The following NCAM1 variants were observed in gnomAD, a reference collection of about 807,000 sequenced individuals.
The protein encoded by NCAM1 is antigen recognized by monoclonal antibody 5.1H11.
Under a neutral mutation model 109.8 loss-of-function variants are expected in NCAM1, and 14 were observed. The ratio of observed to expected loss-of-function variants is 0.13; its 90% CI spans 0.08 to 0.20. The LOEUF (loss-of-function observed/expected upper bound fraction) is 0.20. Among genes scored for constraint, NCAM1 ranks in the 10% least tolerant of loss-of-function variants. NCAM1 has a pLI of 1.00. For synonymous variants in NCAM1, 418 were observed against 442.9 expected, an observed-to-expected ratio of 0.94 and a Z score of 0.70; for missense variants, 774 against 1,109.9, an observed-to-expected ratio of 0.70 and a Z score of 4.30.
intron 1 of NCAM1, among the ~76,000 whole-genome samples, chr11:113,025,518 T>C (rs115786486): frequency 0.013 from 2,022 of 152,130 alleles, 40 homozygotes; most frequent in African/African-American, 0.046. Flanking sequence ...AATGAATGAA[T>C]GAATGAATAA....
intron 9 of NCAM1, among the ~76,000 whole-genome samples, chr11:113,225,941 A>G (rs576845610): frequency 1.3e-5 from 2 of 152,344 alleles, no homozygotes; most frequent in South Asian, 2.1e-4. Context: ...AGCACTAAAC[A>G]TGGAAAGGAA....
At chr11:113,203,958 T>C (rs2136913623) in intron 2 of NCAM1, among the ~76,000 whole-genome samples, 1 of 152,346 alleles carries the variant, frequency 6.6e-6, no homozygotes, top group African/African-American at 2.4e-5. Context: ...GGCATGTGTG[T>C]TCCTAGCTTA....
At chr11:113,156,409 G>A (rs1203346406) in intron 1 of NCAM1, among the ~76,000 whole-genome samples, 1 of 152,100 alleles carries the variant, frequency 6.6e-6, no homozygotes, top group African/African-American at 2.4e-5. Flanking sequence ...TATATATTGG[G>A]GGTTAATGAC....
At chr11:113,248,945 T>A (rs1945579710) in intron 15 of NCAM1, among the ~76,000 whole-genome samples, 1 of 152,140 alleles carries the variant, frequency 6.6e-6, no homozygotes, top group African/African-American at 2.4e-5. Flanking sequence ...CAGGGCTTCC[T>A]CCAATGACTC....
chr11:113,138,461 C>A (rs998110085), intron 1 of NCAM1, among the ~76,000 whole-genome samples: 2 of 152,138 alleles, frequency 1.3e-5, no homozygotes. Flanking sequence ...AAATAGCAAA[C>A]GGCAAGAATG....
At position 113,232,249 on chromosome 11, in the gene NCAM1, C is replaced by T. The variant is rs782343689; in HGVS notation, c.1320C>T (p.Ala440=). 3 of 1,613,966 alleles carry T rather than the reference C, an allele frequency of 1.9e-6. No individual in the cohort carries two copies. Among genetic ancestry groups the T allele is most frequent in the East Asian group, 4.5e-5 (2 of 44,882 alleles). The change falls in exon 11 of 20, where the codon GCC becomes GCT. Residue 440 remains alanine (A), a synonymous_variant. Transcript: ENST00000316851. The stretch of plus-strand genomic sequence containing the variant: ...TGAACATCACCTGCGAGGTATTTGC[C>T]TATCCCAGTGCCACGATCTCATGGT... ...NQVNITCEVF[A]YPSATISWFR...
chr11:113,239,059 T>C lies in NCAM1; in HGVS notation c.1825+3895T>C, dbSNP rs142714541. On this transcript the variant is annotated intron_variant, in intron 14 of 19. Coordinates refer to ENST00000316851, the MANE Select transcript of NCAM1 (RefSeq NM_181351.5). ...GGACATGGATATATCAGAGCAGGGA[T>C]GAGCAGGGGGAGCTAGTAAAAGCCA... is the stretch of plus-strand genomic sequence containing the variant. 8.0e-3 allele frequency among the ~76,000 whole-genome samples: 1,222 copies of C among 152,310 alleles called. 20 individuals are homozygous for C. Among genetic ancestry groups the C allele is most frequent in the African/African-American group, 0.027 (1,139 of 41,564 alleles).
At chr11:113,028,612 A>T (rs905161147) in intron 1 of NCAM1, among the ~76,000 whole-genome samples, 2 of 152,228 alleles carry the variant, frequency 1.3e-5, no homozygotes, top group African/African-American at 2.4e-5. Flanking sequence ...GTTGCTTTGC[A>T]CTATAGCATT....
intron 1 of NCAM1, among the ~76,000 whole-genome samples, chr11:113,020,873 C>G (rs1952360842): frequency 6.6e-6 from 1 of 152,104 alleles, no homozygotes; most frequent in Non-Finnish European, 1.5e-5. Flanking sequence ...TCTCCTGCCT[C>G]AGCCTCTTGA....
chr11:113,126,478 A>T (rs532889891), intron 1 of NCAM1, among the ~76,000 whole-genome samples: 1 of 152,268 alleles, frequency 6.6e-6, no homozygotes, highest in East Asian at 1.9e-4. Context: ...TGTGCTCATG[A>T]AACAGACTCA....
In NCAM1 at chr11:113,273,605, C is replaced by G. The variant is rs1946338970; in HGVS notation, c.2457-1662C>G. ...ACTTTAAAATGGACGAAGGGAACTT[C>G]AAGACCCCAGATATTGACCTTGCAA... On this transcript the variant is annotated intron_variant, in intron 19 of 19. Coordinates refer to ENST00000316851, the MANE Select transcript of NCAM1 (RefSeq NM_181351.5). This position sits in a 1 kb window ranked among gnomAD's most constrained non-coding sequence, Gnocchi z 6.0. The G allele has an allele frequency of 2.2e-6, 1 of 448,200 alleles. No individual in the cohort carries two copies. Among genetic ancestry groups the G allele is most frequent in the African/African-American group, 2.0e-5 (1 of 49,762 alleles). The allele number at this position is 448,200 out of a possible 1,614,324, so 27.8% of individuals were successfully genotyped here.
intron 16 of NCAM1, among the ~76,000 whole-genome samples, chr11:113,257,892 C>T (rs1361981846): frequency 6.6e-6 from 1 of 152,220 alleles, no homozygotes; most frequent in East Asian, 1.9e-4. Context: ...TAGCTTACAG[C>T]ATAGCCAGAC....
intron 8 of NCAM1, among the ~76,000 whole-genome samples, chr11:113,216,188 G>A (rs1470861409): frequency 1.6e-5 from 2 of 126,294 alleles, no homozygotes; most frequent in African/African-American, 3.1e-5. Flanking sequence ...TCTCGCTGTC[G>A]CCCAGGCTGG....
Position 113,278,323 on chromosome 11 carries a change from A to G in NCAM1, c.*2936A>G, listed in dbSNP as rs1014904008. On this transcript the variant is annotated 3_prime_UTR_variant, in exon 20 of 20. Transcript: ENST00000316851. ...AAACTTTTTACCAAGTGAAACATCG[A>G]TACCACCTTTGTTTCCATTCTCACT... is the stretch of plus-strand genomic sequence containing the variant. 10 of 152,186 alleles carry G rather than the reference A, an allele frequency of 6.6e-5. No homozygotes were observed. The highest frequency in any genetic ancestry group is 2.2e-4 in the African/African-American group (9 of 41,432). The allele number at this position is 152,186 out of a possible 1,614,324, so 9.4% of individuals were successfully genotyped here.
chr11:113,217,468 C>G (rs1224191606), intron 8 of NCAM1, among the ~76,000 whole-genome samples: 1 of 152,112 alleles, frequency 6.6e-6, no homozygotes, highest in Admixed American at 6.5e-5. Context: ...TTCTGGTTGT[C>G]TTATACGAGA....
chr11:113,097,605 CTT>C (rs36089828), intron 1 of NCAM1, among the ~76,000 whole-genome samples: 68,771 of 142,052 alleles, frequency 0.48, 16,879 homozygotes, highest in Middle Eastern at 0.55. Context: ...GTGACTTGGG[CTT>C]TTTTTTTTTT....
chr11:113,103,104 A>G (rs1555091825), intron 1 of NCAM1, among the ~76,000 whole-genome samples: 1 of 152,212 alleles, frequency 6.6e-6, no homozygotes, highest in African/African-American at 2.4e-5. Flanking sequence ...AAACACATGC[A>G]ATTAATGAAA....
chr11:113,176,739 T>A (rs896088608), intron 1 of NCAM1, among the ~76,000 whole-genome samples: 1 of 152,244 alleles, frequency 6.6e-6, no homozygotes, highest in Admixed American at 6.5e-5. Flanking sequence ...GTTTAATTTA[T>A]GTGGTTTTTT....
intron 1 of NCAM1, among the ~76,000 whole-genome samples, chr11:113,146,982 C>A (rs1157284849): frequency 6.6e-6 from 1 of 152,026 alleles, no homozygotes; most frequent in African/African-American, 2.4e-5. Flanking sequence ...CAGGAATGGG[C>A]GTGCCTCTTT....
Sources: allele counts gnomAD v4.1 joint callset (sites outside exome capture counted in the v4.1 genomes callset), GRCh38; gene constraint gnomAD v4.1.1; non-coding constraint Gnocchi (gnomAD v3.1); transcripts MANE v1.5; gene names NCBI Gene and HGNC (gene_info 2026-07-23, HGNC 2026-07-21).